BAZ2B: variants seen among roughly 807,000 people sequenced by gnomAD.
BAZ2B encodes the protein bromodomain adjacent to zinc finger domain 2B.
In BAZ2B, 91 loss-of-function variants were observed where a neutral mutation model predicts 246.0. The observed-to-expected ratio is 0.37, with a 90% CI of 0.31 to 0.44. The LOEUF (loss-of-function observed/expected upper bound fraction) is 0.44, where lower values mean the gene tolerates loss of function less well. Ranked by LOEUF, BAZ2B falls within the 20% of genes least tolerant of loss-of-function variation. The probability of loss-of-function intolerance (pLI) is 1.00; values close to 1 mark genes in which losing one functional copy is unlikely to be tolerated. For synonymous variants in BAZ2B, 855 were observed against 860.0 expected (o/e 0.99, Z 0.10); for missense variants, 2,332 against 2,533.7 (o/e 0.92, Z 1.71).
intron 31 of BAZ2B, among the ~76,000 whole-genome samples, chr2:159,338,489 T>C (rs1176068905): frequency 2.6e-5 from 4 of 152,192 alleles, no homozygotes; most frequent in African/African-American, 9.7e-5. Context: ...TACTCATTTA[T>C]CTCCAGTACA....
chr2:159,364,481 C>CTCCT (rs1221742886), intron 27 of BAZ2B, among the ~76,000 whole-genome samples: 2 of 152,164 alleles, frequency 1.3e-5, no homozygotes, highest in African/African-American at 4.8e-5. Flanking sequence ...CAGCCTCGAA[C>CTCCT]TCCTGTGCTT....
chr2:159,380,679 T>G (rs1264686389), intron 25 of BAZ2B, among the ~76,000 whole-genome samples: 1 of 152,192 alleles, frequency 6.6e-6, no homozygotes, highest in Non-Finnish European at 1.5e-5. Flanking sequence ...TACCTGCTTT[T>G]CTTCAGGGAA....
intron 1 of BAZ2B, among the ~76,000 whole-genome samples, chr2:159,574,109 A>C (rs1035328555): frequency 7.0e-6 from 1 of 142,320 alleles, no homozygotes; most frequent in Non-Finnish European, 1.5e-5. Context: ...TGACAGATGG[A>C]GAGACTGACA....
rs1373838554 is a variant in BAZ2B at position 159,433,337 on chromosome 2, T to C, written c.1320A>G (p.Ser440=). The C allele has an allele frequency of 6.2e-7, 1 of 1,613,306 alleles. No homozygotes were observed. The highest frequency in any genetic ancestry group is 1.1e-5 in the South Asian group (1 of 91,032). ...TCGATGACTCTTGTTTCTTTAACTG[T>C]GATGGGAATGCCTGTTTATATTGTT... ...KREQYKQAFP[S]QLKKQESSKS... is the part of the protein sequence containing the mutation. The change falls in exon 9 of 37, where the codon TCA becomes TCG. Residue 440 remains serine (S), a synonymous_variant. Coordinates refer to ENST00000392783, the MANE Select transcript of BAZ2B (RefSeq NM_013450.4).
intron 13 of BAZ2B, among the ~76,000 whole-genome samples, chr2:159,417,061 T>A (rs2067849784): frequency 6.6e-6 from 1 of 152,208 alleles, no homozygotes; most frequent in South Asian, 2.1e-4. Flanking sequence ...TTTCTAAGAC[T>A]TAAAATAGTA....
chr2:159,638,126 A>G, the BAZ2B span, among the ~76,000 whole-genome samples: 2 of 152,242 alleles, frequency 1.3e-5, no homozygotes, highest in Non-Finnish European at 2.9e-5. Context: ...AAAAAGAACA[A>G]AAGTCTCTGC....
intron 3 of BAZ2B, chr2:159,463,142 G>C (rs1237213294): frequency 1.6e-6 from 1 of 644,768 alleles, no homozygotes; most frequent in East Asian, 2.9e-5. Context: ...TTATTACATA[G>C]TAGCCGAATA....
At chr2:159,664,770 GA>G in the BAZ2B span, among the ~76,000 whole-genome samples, 1 of 119,314 alleles carries the variant, frequency 8.4e-6, no homozygotes. Context: ...GTAGATTCTG[GA>G]TATTAGCCCT....
the BAZ2B span, among the ~76,000 whole-genome samples, chr2:159,711,349 C>T: frequency 6.6e-6 from 1 of 152,020 alleles, no homozygotes; most frequent in Non-Finnish European, 1.5e-5. Flanking sequence ...CTTAAAATAC[C>T]TTTAAGTCTT....
intron 2 of BAZ2B, among the ~76,000 whole-genome samples, chr2:159,502,994 A>G (rs1035115958): frequency 7.2e-5 from 11 of 152,192 alleles, no homozygotes; most frequent in Non-Finnish European, 1.6e-4. Flanking sequence ...TCCCACCATC[A>G]TCTTAATACA....
chr2:159,347,583 C>T lies in BAZ2B; in HGVS notation c.5357G>A (p.Trp1786Ter). The stretch of plus-strand genomic sequence containing the variant: ...TTCCATTGCTTGTTCTTCTACTGAC[C>T]AGTTCTCCACAATATCTCGAGTTAC... Reference protein sequence around the residue: ...NQVTRDIVENWSVEEQAMEMD... With the variant: ...NQVTRDIVEN The change falls in exon 31 of 37, where the codon TGG (tryptophan) becomes TAG (stop). Residue 1786 changes from tryptophan (W) to a stop codon, truncating the protein, a stop_gained. Coordinates refer to ENST00000392783, the MANE Select transcript of BAZ2B (RefSeq NM_013450.4). LOFTEE classifies it high-confidence loss of function. 1 of 1,612,968 alleles carries T rather than the reference C, an allele frequency of 6.2e-7. No individual in the cohort carries two copies. Among genetic ancestry groups the T allele is most frequent in the Non-Finnish European group, 8.5e-7 (1 of 1,179,184 alleles).
intron 25 of BAZ2B, among the ~76,000 whole-genome samples, chr2:159,379,259 C>T (rs2061721830): frequency 1.3e-5 from 2 of 152,050 alleles, no homozygotes; most frequent in Admixed American, 1.3e-4. Flanking sequence ...CTATATGATT[C>T]CAATTATATG....
At chr2:159,376,168 T>C (rs2061393634) in intron 25 of BAZ2B, among the ~76,000 whole-genome samples, 1 of 152,170 alleles carries the variant, frequency 6.6e-6, no homozygotes, top group African/African-American at 2.4e-5. Flanking sequence ...CATCTGTAAA[T>C]TTGGTGATAA....
chr2:159,338,733 C>T (rs770374858), intron 31 of BAZ2B, among the ~76,000 whole-genome samples: 14 of 152,230 alleles, frequency 9.2e-5, no homozygotes, highest in Admixed American at 2.6e-4. Context: ...GTGCTCTGCT[C>T]ATGCTGTTCC....
intron 9 of BAZ2B, 133 bp from the exon 10 acceptor site, chr2:159,431,289 T>C (rs754094791): frequency 8.6e-6 from 11 of 1,280,210 alleles, no homozygotes; most frequent in Non-Finnish European, 1.2e-5. Context: ...TCCTACAGAG[T>C]AAATGTTATA....
chr2:159,681,602 G>C, the BAZ2B span, among the ~76,000 whole-genome samples: 1 of 152,132 alleles, frequency 6.6e-6, no homozygotes, highest in South Asian at 2.1e-4. Context: ...ATACAGTCAG[G>C]GTTCCAGCAA....
chr2:159,698,226 A>T, the BAZ2B span, among the ~76,000 whole-genome samples: 2 of 152,114 alleles, frequency 1.3e-5, no homozygotes, highest in African/African-American at 4.8e-5. Context: ...ACTTAGTATA[A>T]AAATATTTTA....
intron 8 of BAZ2B, among the ~76,000 whole-genome samples, chr2:159,435,759 G>C (rs1363981408): frequency 2.6e-5 from 4 of 152,150 alleles, no homozygotes; most frequent in Non-Finnish European, 1.5e-5. Context: ...CAAAGTACTG[G>C]GATTATAGGC....
At chr2:159,518,074 CCAAAA>C (rs1397518251) in intron 2 of BAZ2B, among the ~76,000 whole-genome samples, 12 of 151,910 alleles carry the variant, frequency 7.9e-5, no homozygotes, top group Non-Finnish European at 1.5e-4. Context: ...AATTCATACA[CCAAAA>C]CAAAACAAAA....
Sources: gnomAD v4.1 joint callset for allele counts (sites outside exome capture counted in the v4.1 genomes callset) on GRCh38, gnomAD v4.1.1 for gene constraint, MANE v1.5 for transcripts, NCBI Gene and HGNC (gene_info 2026-07-23, HGNC 2026-07-21) for gene names.